The following PTPN12 variants were observed in gnomAD, a reference collection of about 807,000 sequenced individuals.
The protein encoded by PTPN12 is protein tyrosine phosphatase non-receptor type 12, also known as tyrosine-protein phosphatase non-receptor type 12.
Under a neutral mutation model 97.6 loss-of-function variants are expected in PTPN12, and 29 were observed. The observed-to-expected ratio is 0.30, with a 90% CI of 0.22 to 0.41. The LOEUF (loss-of-function observed/expected upper bound fraction) is 0.41, where lower values mean the gene tolerates loss of function less well. Among genes scored for constraint, PTPN12 ranks in the 10% least tolerant of loss-of-function variants. The probability of loss-of-function intolerance (pLI) is 1.00; values close to 1 mark genes in which losing one functional copy is unlikely to be tolerated. For synonymous variants in PTPN12, 327 were observed against 300.4 expected (o/e 1.09, Z -0.91); for missense variants, 819 against 926.0 (o/e 0.88, Z 1.50).
At chr7:77,595,463 C>G (rs1787995518) in intron 6 of PTPN12, among the ~76,000 whole-genome samples, 1 of 152,140 alleles carries the variant, frequency 6.6e-6, no homozygotes, top group Admixed American at 6.6e-5. Context: ...AGCAGGAGCT[C>G]AATCACATGT....
intron 14 of PTPN12, among the ~76,000 whole-genome samples, chr7:77,633,852 C>A (rs145883905): frequency 6.6e-6 from 1 of 151,438 alleles, no homozygotes; most frequent in Non-Finnish European, 1.5e-5. Flanking sequence ...GTGATACCTC[C>A]TCTCTTCTAA....
At position 77,573,105 on chromosome 7, in the gene PTPN12, C is replaced by CAACAA. The variant is rs1554314864; in HGVS notation, c.208+1921_208+1922insCAAAA. ...CTCAAAAAAAAAAAAAACAAAAAAA[C>CAACAA]AAAAAAAACCAGTGTACCTAGCACA... On this transcript the variant is annotated intron_variant, in intron 2 of 17. Transcript: ENST00000248594. Among the ~76,000 whole-genome samples the CAACAA allele has an allele frequency of 8.4e-5, 4 of 47,844 alleles. 1 individual carries two copies. 31.4% of individuals were successfully genotyped at this position (47,844 alleles called of 152,430 possible).
At chr7:77,570,940 AATT>A (rs1238135611) in intron 1 of PTPN12, 135 bp from the exon 2 acceptor site, 12 of 522,982 alleles carry the variant, frequency 2.3e-5, no homozygotes, top group African/African-American at 2.2e-4. Context: ...CCTTGGGGTT[AATT>A]ATTAAGGGAT....
intron 1 of PTPN12, among the ~76,000 whole-genome samples, chr7:77,570,115 C>G (rs1484462240): frequency 6.6e-6 from 1 of 152,076 alleles, no homozygotes; most frequent in Non-Finnish European, 1.5e-5. Context: ...GAATAAGATT[C>G]TAGTAAATCT....
chr7:77,596,472 C>T (rs924619445), intron 6 of PTPN12, among the ~76,000 whole-genome samples: 6 of 152,106 alleles, frequency 3.9e-5, no homozygotes, highest in Admixed American at 1.3e-4. Context: ...GCGACGTGAT[C>T]GCAGCTCACT....
chr7:77,545,545 CTCTT>C (rs1347974879), intron 1 of PTPN12, among the ~76,000 whole-genome samples: 8 of 151,954 alleles, frequency 5.3e-5, no homozygotes, highest in Non-Finnish European at 1.2e-4. Flanking sequence ...ATGTCTGTCT[CTCTT>C]TCCAGAGAGA....
At chr7:77,560,936 T>C (rs988427512) in intron 1 of PTPN12, among the ~76,000 whole-genome samples, 1 of 152,230 alleles carries the variant, frequency 6.6e-6, no homozygotes. Context: ...TGCTGAATGA[T>C]ATGATAATTC....
chr7:77,605,483 G>A (rs1249096421), intron 8 of PTPN12, among the ~76,000 whole-genome samples: 1 of 132,270 alleles, frequency 7.6e-6, no homozygotes, highest in African/African-American at 2.9e-5. Flanking sequence ...GCAATGGCGT[G>A]ATCTCAGCTC....
At chr7:77,630,430 A>G (rs904975951) in intron 13 of PTPN12, among the ~76,000 whole-genome samples, 2 of 152,222 alleles carry the variant, frequency 1.3e-5, no homozygotes, top group African/African-American at 4.8e-5. Flanking sequence ...ACACAAACCT[A>G]GATGGTATAG....
At chr7:77,583,107 A>G (rs113958486) in intron 3 of PTPN12, among the ~76,000 whole-genome samples, 2 of 152,330 alleles carry the variant, frequency 1.3e-5, no homozygotes, top group African/African-American at 4.8e-5. Flanking sequence ...AAAAACCTGT[A>G]TAGTAGATGC....
intron 4 of PTPN12, among the ~76,000 whole-genome samples, chr7:77,584,098 T>C (rs1009297434): frequency 6.6e-6 from 1 of 152,104 alleles, no homozygotes; most frequent in Non-Finnish European, 1.5e-5. Context: ...CTTGTTCTTT[T>C]GGATGAAGGG....
intron 8 of PTPN12, among the ~76,000 whole-genome samples, chr7:77,602,142 A>G (rs1224088752): frequency 1.3e-5 from 2 of 151,624 alleles, no homozygotes; most frequent in African/African-American, 4.9e-5. Flanking sequence ...GGGAATGAAC[A>G]TGAGATTTGT....
chr7:77,627,180 A>C lies in PTPN12; in HGVS notation c.1501A>C (p.Thr501Pro), dbSNP rs565089282. 3 of 1,614,038 alleles carry C rather than the reference A, an allele frequency of 1.9e-6. No homozygotes were observed. The highest frequency in any genetic ancestry group is 2.5e-6 in the Non-Finnish European group (3 of 1,180,020). Residue 501 changes from threonine (T) to proline (P), a missense_variant, in exon 13 of 18, where the codon ACA becomes CCA. Around this residue, in one of 5 missense-constraint regions of PTPN12, gnomAD observed 607 missense variants for 577.3 expected, o/e 1.05. Coordinates refer to ENST00000248594, the MANE Select transcript of PTPN12 (RefSeq NM_002835.4). ...GAATTCTTGTGTGGACTGCAGTGTAACACAATCAAACAAAGTTTCAGTTAC... is the reference window on the plus strand; with the variant it reads ...GAATTCTTGTGTGGACTGCAGTGTACCACAATCAAACAAAGTTTCAGTTAC... Reference protein sequence around the residue: ...SQNSCVDCSVTQSNKVSVTPP... With the variant: ...SQNSCVDCSVPQSNKVSVTPP...
intron 3 of PTPN12, among the ~76,000 whole-genome samples, chr7:77,582,470 A>AT (rs1252825384): frequency 6.6e-6 from 1 of 151,936 alleles, no homozygotes; most frequent in African/African-American, 2.4e-5. Flanking sequence ...GTTTTTGTTG[A>AT]TAAAAATGTT....
In PTPN12 at chr7:77,611,023, G is replaced by T. The variant is rs2151376671; in HGVS notation, c.916G>T (p.Ala306Ser). Residue 306 changes from alanine (A) to serine (S), a missense_variant, in exon 11 of 18, where the codon GCT becomes TCT. Physicochemically the swap from Ala to Ser is moderately conservative, Grantham distance 99. Around this residue, in one of 5 missense-constraint regions of PTPN12, gnomAD observed 607 missense variants for 577.3 expected, o/e 1.05. Transcript: ENST00000248594. ...GCTACAACTATATGAAATTCATGGA[G>T]CTCAGAAAATTGCTGATGGAGTGGT... ...KQLQLYEIHG[A>S]QKIADGVNEI... The T allele has an allele frequency of 6.2e-7, 1 of 1,612,820 alleles. No homozygotes were observed. Among genetic ancestry groups the T allele is most frequent in the East Asian group, 2.2e-5 (1 of 44,758 alleles).
At chr7:77,584,029 G>T (rs1440121982) in intron 4 of PTPN12, among the ~76,000 whole-genome samples, 1 of 152,128 alleles carries the variant, frequency 6.6e-6, no homozygotes, top group Non-Finnish European at 1.5e-5. Flanking sequence ...ACTATAAATA[G>T]ACTATAAATA....
chr7:77,583,118 T>A (rs1292162581), intron 3 of PTPN12, among the ~76,000 whole-genome samples: 1 of 152,204 alleles, frequency 6.6e-6, no homozygotes, highest in African/African-American at 2.4e-5. Flanking sequence ...TAGTAGATGC[T>A]TGATAAACTT....
chr7:77,623,924 GT>G (rs542043261), intron 12 of PTPN12, among the ~76,000 whole-genome samples: 23 of 152,134 alleles, frequency 1.5e-4, no homozygotes, highest in East Asian at 1.2e-3. Context: ...AATTATTTTT[GT>G]TTTAGATCGC....
intron 9 of PTPN12, among the ~76,000 whole-genome samples, chr7:77,610,085 T>C (rs946527037): frequency 4.6e-5 from 7 of 152,222 alleles, no homozygotes; most frequent in African/African-American, 7.2e-5. Context: ...ATACAAAAAT[T>C]GTGTGAATAT....
Sources: gnomAD v4.1 joint callset for allele counts (sites outside exome capture counted in the v4.1 genomes callset) on GRCh38, gnomAD v4.1.1 for gene constraint, gnomAD v4.1.1 regional missense constraint, MANE v1.5 for transcripts, NCBI Gene and HGNC (gene_info 2026-07-23, HGNC 2026-07-21) for gene names.